ARNT2: variants seen among roughly 807,000 people sequenced by gnomAD.
ARNT2 encodes the protein aryl hydrocarbon receptor nuclear translocator 2.
A neutral mutation model predicts 91.7 loss-of-function variants in ARNT2; 36 were observed. The ratio of observed to expected loss-of-function variants is 0.39; its 90% CI spans 0.30 to 0.52. The LOEUF (loss-of-function observed/expected upper bound fraction) is 0.52. ARNT2 is among the 20% of genes least tolerant of loss of function. ARNT2 has a pLI of 0.72. For missense variants in ARNT2, 775 were observed against 939.3 expected (o/e 0.83, Z 2.29); for synonymous variants, 365 against 347.1 (o/e 1.05, Z -0.57).
intron 5 of ARNT2, among the ~76,000 whole-genome samples, chr15:80,476,996 G>A (rs1454697556): frequency 6.6e-6 from 1 of 152,214 alleles, no homozygotes; most frequent in East Asian, 1.9e-4. Flanking sequence ...GTGATAGTGA[G>A]TGAGTTCTCA....
intron 15 of ARNT2, among the ~76,000 whole-genome samples, chr15:80,577,790 G>T (rs187059040): frequency 4.3e-4 from 66 of 152,306 alleles, no homozygotes; most frequent in African/African-American, 1.5e-3. Context: ...TTCCACACTG[G>T]TTCAAGGACA....
At chr15:80,473,233 C>T (rs1308301088) in intron 4 of ARNT2, among the ~76,000 whole-genome samples, 1 of 152,160 alleles carries the variant, frequency 6.6e-6, no homozygotes, top group Admixed American at 6.5e-5. Context: ...TTAACCGTGA[C>T]TGTTTTCTTG....
chr15:80,564,099 T>A (rs144340984), intron 12 of ARNT2, among the ~76,000 whole-genome samples: 258 of 152,262 alleles, frequency 1.7e-3, no homozygotes, highest in African/African-American at 5.9e-3. Context: ...GGGAGGACTG[T>A]AGCATGCAAG....
At chr15:80,542,956 G>A (rs777298415) in intron 8 of ARNT2, among the ~76,000 whole-genome samples, 8 of 151,948 alleles carry the variant, frequency 5.3e-5, no homozygotes, top group Non-Finnish European at 1.0e-4. Context: ...AAATTAGCCA[G>A]TGTAGTGGCA....
rs1203951165 is a variant in ARNT2 at position 80,596,949 on chromosome 15, C to G, written c.*3251C>G. 2.8e-6 allele frequency: 1 copy of G among 354,178 alleles called. No individual in the cohort carries two copies. Among genetic ancestry groups the G allele is most frequent in the African/African-American group, 2.1e-5 (1 of 46,590 alleles). 21.9% of individuals were successfully genotyped at this position (354,178 alleles called of 1,614,324 possible). ...CCAGTTTTATTTTTAGCTTTGGCTT[C>G]AGGGAGTGACAGCCATCACAAATAG... On this transcript the variant is annotated 3_prime_UTR_variant, in exon 19 of 19. Transcript: ENST00000303329.
Position 80,441,483 on chromosome 15 carries a change from C to T in ARNT2, c.32-9397C>T, listed in dbSNP as rs3848172. ...TTGGTTAGTTGCCTGCCCTCACCCC[C>T]CTCCCAGCCATGGAAAGAGCCTTTT... On this transcript the variant is annotated intron_variant, in intron 1 of 18. Coordinates refer to ENST00000303329, the MANE Select transcript of ARNT2 (RefSeq NM_014862.4). 490 of 773,040 alleles carry T rather than the reference C, an allele frequency of 6.3e-4. 1 individual carries two copies. The highest frequency in any genetic ancestry group is 7.5e-4 in the Non-Finnish European group (477 of 636,528). The allele number at this position is 773,040 out of a possible 1,614,324, so 47.9% of individuals were successfully genotyped here.
Position 80,450,946 on chromosome 15 carries a change from T to G in ARNT2, c.98T>G (p.Val33Gly). 6.2e-7 allele frequency: 1 copy of G among 1,614,080 alleles called. No homozygotes were observed. The change falls in exon 2 of 19, where the codon GTG becomes GGG. Residue 33 changes from valine to glycine, a missense_variant. Physicochemically the swap from Val to Gly is moderately radical, Grantham distance 109 (BLOSUM62 -3). This residue lies in a region of ARNT2 where 79 missense variants were observed against 83.8 expected (regional missense o/e 0.94). Coordinates refer to ENST00000303329, the MANE Select transcript of ARNT2 (RefSeq NM_014862.4). ...PVAPMAATGQ[V>G]RMAGAMPARG... ...GCCCCCATGGCGGCCACCGGACAGGTGAGGATGGCGGGGGCCATGCCTGCC... is the reference window on the plus strand; with the variant it reads ...GCCCCCATGGCGGCCACCGGACAGGGGAGGATGGCGGGGGCCATGCCTGCC...
chr15:80,426,817 CT>C (rs890030637), intron 1 of ARNT2, among the ~76,000 whole-genome samples: 1 of 152,150 alleles, frequency 6.6e-6, no homozygotes, highest in African/African-American at 2.4e-5. Context: ...TCTTCAGAGG[CT>C]GGGAAGTTCA....
chr15:80,584,475 G>A (rs1898856116), intron 17 of ARNT2, among the ~76,000 whole-genome samples: 1 of 152,164 alleles, frequency 6.6e-6, no homozygotes, highest in South Asian at 2.1e-4. Context: ...ACTCCCGAGG[G>A]CACAGTGGGA....
At chr15:80,468,773 G>A (rs1241393395) in intron 3 of ARNT2, among the ~76,000 whole-genome samples, 1 of 152,206 alleles carries the variant, frequency 6.6e-6, no homozygotes, top group Non-Finnish European at 1.5e-5. Flanking sequence ...CACTGCTTGA[G>A]GACAGAGTTG....
At chr15:80,544,478 T>C (rs927139510) in intron 8 of ARNT2, among the ~76,000 whole-genome samples, 1 of 152,236 alleles carries the variant, frequency 6.6e-6, no homozygotes, top group Non-Finnish European at 1.5e-5. Flanking sequence ...TTTGTTTGTG[T>C]GTGTTTGTTT....
chr15:80,473,345 C>T (rs910854237), intron 4 of ARNT2, among the ~76,000 whole-genome samples: 7 of 152,076 alleles, frequency 4.6e-5, no homozygotes, highest in East Asian at 1.9e-4. Context: ...AAAGAGGGTC[C>T]GTGATGCGAG....
intron 8 of ARNT2, among the ~76,000 whole-genome samples, chr15:80,516,815 A>C (rs537540406): frequency 2.1e-5 from 3 of 140,126 alleles, no homozygotes; most frequent in African/African-American, 7.9e-5. Flanking sequence ...TACAATTATT[A>C]TATACAATTA....
At chr15:80,447,381 TC>T (rs1273666793) in intron 1 of ARNT2, among the ~76,000 whole-genome samples, 3 of 152,190 alleles carry the variant, frequency 2.0e-5, no homozygotes, top group African/African-American at 7.2e-5. Context: ...CCTGGAGGTA[TC>T]CAAAGTGTGA....
In ARNT2 at chr15:80,442,732, C is replaced by T. The variant is rs1896212380; in HGVS notation, c.32-8148C>T. The T allele has an allele frequency of 1.2e-5, 7 of 593,664 alleles. No individual in the cohort carries two copies. The Admixed American group carries it at 1.9e-4, about 16-fold the overall frequency. The allele number at this position is 593,664 out of a possible 1,614,324, so 36.8% of individuals were successfully genotyped here. A position where few individuals can be genotyped will look rare whatever the true frequency, so the allele number is the denominator to read the frequency against. On this transcript the variant is annotated intron_variant, in intron 1 of 18. Coordinates refer to ENST00000303329, the MANE Select transcript of ARNT2 (RefSeq NM_014862.4). ...GAGCACTTGTACCTCTACTTTGCTGCGAAAGTCCTCCTGTATTGAGCATGT... is the reference window on the plus strand; with the variant it reads ...GAGCACTTGTACCTCTACTTTGCTGTGAAAGTCCTCCTGTATTGAGCATGT...
chr15:80,589,852 A>G (rs1487563992), intron 17 of ARNT2, among the ~76,000 whole-genome samples: 1 of 152,144 alleles, frequency 6.6e-6, no homozygotes, highest in East Asian at 1.9e-4. Context: ...AGGCAGATGA[A>G]TTTTTTATAG....
chr15:80,542,829 G>A (rs1897932470), intron 8 of ARNT2, among the ~76,000 whole-genome samples: 1 of 152,114 alleles, frequency 6.6e-6, no homozygotes, highest in Non-Finnish European at 1.5e-5. Flanking sequence ...TCTTTATGCT[G>A]TTTTCTCTGC....
chr15:80,433,284 T>TTTATC (rs1896038650), intron 1 of ARNT2, among the ~76,000 whole-genome samples: 1 of 144,266 alleles, frequency 6.9e-6, no homozygotes, highest in African/African-American at 2.6e-5. Flanking sequence ...TTTATTTTAT[T>TTTATC]TTATTTTATT....
In ARNT2 at chr15:80,491,209, A is replaced by G. The variant is rs190618480; in HGVS notation, c.622+15986A>G. On this transcript the variant is annotated intron_variant, in intron 5 of 18. Transcript: ENST00000303329. ...TAGTTTTCACGCTGCTGATAAAGAC[A>G]TACCTGAGACTGGGAAGAAAAAGAG... Among the ~76,000 whole-genome samples, 209 of 152,304 alleles carry G rather than the reference A, an allele frequency of 1.4e-3. 4 individuals are homozygous for G. The highest frequency in any genetic ancestry group is 0.014 in the Admixed American group (208 of 15,296).
Sources: gnomAD v4.1 joint callset for allele counts (sites outside exome capture counted in the v4.1 genomes callset) on GRCh38, gnomAD v4.1.1 for gene constraint, gnomAD v4.1.1 regional missense constraint, MANE v1.5 for transcripts, NCBI Gene and HGNC (gene_info 2026-07-23, HGNC 2026-07-21) for gene names.